ANKRD28: variants seen among roughly 807,000 people sequenced by gnomAD.
ANKRD28 encodes the protein ankyrin repeat domain 28.
ANKRD28 carries 44 observed loss-of-function variants against 126.5 expected under a neutral mutation model. That is an observed-to-expected ratio of 0.35 (90% confidence interval 0.27 to 0.45). The LOEUF (loss-of-function observed/expected upper bound fraction) is 0.45, where lower values mean the gene tolerates loss of function less well. Among genes scored for constraint, ANKRD28 ranks in the 20% least tolerant of loss-of-function variants. The probability of loss-of-function intolerance (pLI) is 1.00; values close to 1 mark genes in which losing one functional copy is unlikely to be tolerated. For synonymous variants in ANKRD28, 442 were observed against 468.5 expected (o/e 0.94, Z 0.73); for missense variants, 1,110 against 1,316.6 (o/e 0.84, Z 2.43).
chr3:15,839,419 G>C lies in ANKRD28; in HGVS notation c.27+19958C>G, dbSNP rs2061387217. Among the ~76,000 whole-genome samples, 1 of 151,954 alleles carries C rather than the reference G, an allele frequency of 6.6e-6. No individual in the cohort carries two copies. Among genetic ancestry groups the C allele is most frequent in the Non-Finnish European group, 1.5e-5 (1 of 67,980 alleles). Reference sequence around the variant, plus strand: ...TGGAGAGAACCAAAGTGGGTAAAAGGGAAGATTTTCTGACATGTTGATTCA... The same window carrying C: ...TGGAGAGAACCAAAGTGGGTAAAAGCGAAGATTTTCTGACATGTTGATTCA... On this transcript the variant is annotated intron_variant, in intron 1 of 27. Coordinates refer to the ANKRD28 transcript ENST00000399451. This position sits in a 1 kb window ranked among gnomAD's most constrained non-coding sequence, Gnocchi z 4.3.
intron 7 of ANKRD28, among the ~76,000 whole-genome samples, chr3:15,721,771 G>T (rs1190672006): frequency 6.6e-6 from 1 of 151,996 alleles, no homozygotes; most frequent in Non-Finnish European, 1.5e-5. Flanking sequence ...TTGAGACAGG[G>T]TCTCATTCTG....
chr3:15,749,975 G>A (rs1220888877), intron 4 of ANKRD28, among the ~76,000 whole-genome samples: 1 of 152,180 alleles, frequency 6.6e-6, no homozygotes, highest in Non-Finnish European at 1.5e-5. Flanking sequence ...TTTTTAGACT[G>A]AAGAGTAGAA....
intron 6 of ANKRD28, among the ~76,000 whole-genome samples, chr3:15,729,831 C>G (rs1373310834): frequency 6.6e-6 from 1 of 152,106 alleles, no homozygotes; most frequent in Non-Finnish European, 1.5e-5. Context: ...AAAGAAATAT[C>G]TACTATTATG....
At chr3:15,832,870 T>C (rs893319079) in intron 1 of ANKRD28, among the ~76,000 whole-genome samples, 1 of 152,228 alleles carries the variant, frequency 6.6e-6, no homozygotes, top group South Asian at 2.1e-4. Flanking sequence ...TATGCTACGG[T>C]GAATAGCGCT....
intron 8 of ANKRD28, among the ~76,000 whole-genome samples, chr3:15,720,697 C>T (rs1404070965): frequency 6.8e-6 from 1 of 147,092 alleles, no homozygotes; most frequent in Admixed American, 6.6e-5. Context: ...GATTCTGGAA[C>T]CCCATATAAA....
At chr3:15,849,575 C>T (rs1415855296) in intron 1 of ANKRD28, among the ~76,000 whole-genome samples, 3 of 152,118 alleles carry the variant, frequency 2.0e-5, no homozygotes, top group African/African-American at 7.2e-5. Context: ...CCTCACCATA[C>T]CAGGGAGAGA....
At chr3:15,859,503 TG>T (rs2061858849) in exon 1 of ANKRD28, 1 of 1,168,180 alleles carries the variant, frequency 8.6e-7, no homozygotes, top group African/African-American at 1.7e-5. Flanking sequence ...CCTTGGCCGC[TG>T]CCCGGGACCA....
Position 15,670,409 on chromosome 3 carries a change from T to G in ANKRD28, c.3113A>C (p.Lys1038Thr). The part of the protein sequence containing the change: ...NAINRYTNTS[K>T]TVSFEALPIM... ...GGGCAAAGCTTCAAAGCTGACTGTTTTTGAGGTGTTGGTATAACGGTTAAT... is the reference window on the plus strand; with the variant it reads ...GGGCAAAGCTTCAAAGCTGACTGTTGTTGAGGTGTTGGTATAACGGTTAAT... Residue 1038 changes from lysine to threonine, a missense_variant, in exon 28 of 28, where the codon AAA becomes ACA. By Grantham distance (78) the Lys-to-Thr change is moderately conservative (BLOSUM62 -1). Transcript: ENST00000683139. 1 of 1,613,900 alleles carries G rather than the reference T, an allele frequency of 6.2e-7. No individual in the cohort carries two copies. Among genetic ancestry groups the G allele is most frequent in the Non-Finnish European group, 8.5e-7 (1 of 1,179,848 alleles).
rs1421260727 is a variant in ANKRD28, at chr3:15,833,767, A to T, written c.27+25610T>A. Among the ~76,000 whole-genome samples, 1 of 152,024 alleles carries T rather than the reference A, an allele frequency of 6.6e-6. No homozygotes were observed. Among genetic ancestry groups the T allele is most frequent in the Non-Finnish European group, 1.5e-5 (1 of 68,004 alleles). On this transcript the variant is annotated intron_variant, in intron 1 of 27. Transcript: ENST00000399451. This position sits in a 1 kb window ranked among gnomAD's most constrained non-coding sequence, Gnocchi z 4.4. ...AATGACCTTGAGCAGTAGGATATAA[A>T]TAACTCCCACATGCTTAGTGTTCCA...
chr3:15,692,144 T>TAAAAAAAA, intron 17 of ANKRD28, among the ~76,000 whole-genome samples: 1 of 98,912 alleles, frequency 1.0e-5, no homozygotes, highest in Admixed American at 1.1e-4. Flanking sequence ...TATCTCTAAA[T>TAAAAAAAA]AAAAAAAAAA....
chr3:15,824,203 C>A (rs891644888), intron 1 of ANKRD28, among the ~76,000 whole-genome samples: 1 of 152,210 alleles, frequency 6.6e-6, no homozygotes, highest in African/African-American at 2.4e-5. Context: ...GGGTCTCATT[C>A]TGTCATGCAG....
intron 1 of ANKRD28, among the ~76,000 whole-genome samples, chr3:15,818,303 G>A (rs1017719373): frequency 2.6e-5 from 4 of 152,164 alleles, no homozygotes; most frequent in African/African-American, 7.2e-5. Flanking sequence ...AACTTTTTGA[G>A]TGCTCATATG....
chr3:15,757,019 C>G (rs931166015), intron 3 of ANKRD28, among the ~76,000 whole-genome samples: 7 of 152,186 alleles, frequency 4.6e-5, no homozygotes, highest in African/African-American at 1.4e-4. Context: ...CCCCAGACAG[C>G]AAGCCCTCCA....
intron 1 of ANKRD28, among the ~76,000 whole-genome samples, chr3:15,819,908 A>G (rs2125908374): frequency 6.6e-6 from 1 of 152,360 alleles, no homozygotes; most frequent in Middle Eastern, 3.4e-3. Context: ...GGGCATGGTT[A>G]TCATATGCAA....
chr3:15,681,993 G>C (rs2067594615), intron 21 of ANKRD28, among the ~76,000 whole-genome samples: 1 of 152,060 alleles, frequency 6.6e-6, no homozygotes, highest in African/African-American at 2.4e-5. Flanking sequence ...TACAGCAATG[G>C]AAAGTTGTCC....
At position 15,772,317 on chromosome 3, in the gene ANKRD28, A is replaced by C. The variant is rs1284258378; in HGVS notation, c.202-6005T>G. 5.9e-5 allele frequency among the ~76,000 whole-genome samples: 9 copies of C among 152,294 alleles called. No homozygotes were observed. In the East Asian group the frequency reaches 1.7e-3, roughly 29 times the overall value. The stretch of plus-strand genomic sequence containing the variant: ...TTCAAGTCAGAATGATCAAAGGAAA[A>C]AATAGTCTGTATCATAACTAAGAGG... On this transcript the variant is annotated intron_variant, in intron 2 of 27. Transcript: ENST00000683139.
chr3:15,845,894 A>C lies in ANKRD28; in HGVS notation c.27+13483T>G, dbSNP rs186418580. Among the ~76,000 whole-genome samples, 1 of 152,138 alleles carries C rather than the reference A, an allele frequency of 6.6e-6. No individual in the cohort carries two copies. Among genetic ancestry groups the C allele is most frequent in the African/African-American group, 2.4e-5 (1 of 41,424 alleles). On this transcript the variant is annotated intron_variant, in intron 1 of 27. Coordinates refer to the ANKRD28 transcript ENST00000399451. This position sits in a 1 kb window ranked among gnomAD's most constrained non-coding sequence, Gnocchi z 4.9. Reference sequence around the variant, plus strand: ...TGCATCTCGTGAAAACTCGCTCACTATCAAGAGAACAGCAAGGGGGAAATC... The same window carrying C: ...TGCATCTCGTGAAAACTCGCTCACTCTCAAGAGAACAGCAAGGGGGAAATC...
chr3:15,840,863 G>A (rs760569048), intron 1 of ANKRD28, among the ~76,000 whole-genome samples: 6 of 152,206 alleles, frequency 3.9e-5, no homozygotes, highest in African/African-American at 1.2e-4. Flanking sequence ...ACTCCTGGCC[G>A]GGTGTGGTGG....
At chr3:15,712,033 C>A (rs1047493497) in intron 11 of ANKRD28, 107 bp downstream of exon 11, 5 of 827,822 alleles carry the variant, frequency 6.0e-6, no homozygotes, top group Admixed American at 2.4e-5. Context: ...ATTAAATTAT[C>A]CATACTGGAC....
Sources: gnomAD v4.1 joint callset for allele counts (sites outside exome capture counted in the v4.1 genomes callset) on GRCh38, gnomAD v4.1.1 for gene constraint, Gnocchi (gnomAD v3.1) non-coding constraint, MANE v1.5 for transcripts, NCBI Gene and HGNC (gene_info 2026-07-23, HGNC 2026-07-21) for gene names.